Variants in SMARCAD1 observed in about 807,000 individuals in gnomAD.
SMARCAD1 encodes SNF2 related chromatin remodeling ATPase with DExD box 1, also known as SWI/SNF-related matrix-associated actin-dependent regulator of chromatin subfamily A containing DEAD/H box 1.
In SMARCAD1, 25 loss-of-function variants were observed where a neutral mutation model predicts 127.1. That is an observed-to-expected ratio of 0.20 (90% confidence interval 0.14 to 0.27). SMARCAD1 has a LOEUF of 0.27. Among genes scored for constraint, SMARCAD1 ranks in the 10% least tolerant of loss-of-function variants. SMARCAD1 has a pLI of 1.00. For missense variants in SMARCAD1, 807 were observed against 1,206.0 expected (o/e 0.67, Z 4.90); for synonymous variants, 400 against 396.9 (o/e 1.01, Z -0.09).
At chr4:94,231,565 A>C (rs1745853580) in intron 3 of SMARCAD1, among the ~76,000 whole-genome samples, 1 of 152,154 alleles carries the variant, frequency 6.6e-6, no homozygotes, top group African/African-American at 2.4e-5. Context: ...TTATTTGTTT[A>C]TTGTGTCACC....
chr4:94,276,204 G>A (rs1282639342), intron 14 of SMARCAD1, 135 bp from the exon 15 acceptor site: 13 of 812,532 alleles, frequency 1.6e-5, no homozygotes, highest in South Asian at 4.6e-5. Context: ...AGTATCACCC[G>A]TGTCTAGTGC....
chr4:94,280,475 C>G lies in SMARCAD1; in HGVS notation c.2419-117C>G. 4 of 911,240 alleles carry G rather than the reference C, an allele frequency of 4.4e-6. No homozygotes were observed. The South Asian group carries it at 6.4e-5, about 15-fold the overall frequency. 56.4% of individuals were successfully genotyped at this position (911,240 alleles called of 1,614,324 possible). ...AATTTTCCTTGATAAGTCTGTTACA[C>G]TAAAAGGTTCTATGATTTAGATATT... is the stretch of plus-strand genomic sequence containing the variant. On this transcript the variant is annotated intron_variant, in intron 19 of 23. Transcript: ENST00000354268.
Position 94,253,440 on chromosome 4 carries a change from A to G in SMARCAD1, c.1281+433A>G, listed in dbSNP as rs1033912767. The G allele has an allele frequency of 5.0e-6, 6 of 1,190,652 alleles. No homozygotes were observed. In the African/African-American group the frequency reaches 6.4e-5, roughly 13 times the overall value. The allele number at this position is 1,190,652 out of a possible 1,614,324, so 73.8% of individuals were successfully genotyped here. On this transcript the variant is annotated intron_variant, in intron 9 of 23. Transcript: ENST00000354268. ...CAATAGCAACGGCCAGGGGAGCTCC[A>G]TGATTCAAAATGCCAGCCTAAGTGT... is the stretch of plus-strand genomic sequence containing the variant.
chr4:94,279,184 G>A, intron 19 of SMARCAD1, 134 bp downstream of exon 19: 1 of 1,158,494 alleles, frequency 8.6e-7, no homozygotes, highest in East Asian at 2.6e-5. Context: ...TTTCAGACCA[G>A]GTCTGGTTCT....
chr4:94,259,324 T>G lies in SMARCAD1; in HGVS notation c.1282-5383T>G, dbSNP rs143789361. Among the ~76,000 whole-genome samples, 414 of 152,336 alleles carry G rather than the reference T, an allele frequency of 2.7e-3. 1 individual carries two copies. The highest frequency in any genetic ancestry group is 8.0e-3 in the African/African-American group (331 of 41,572). On this transcript the variant is annotated intron_variant, in intron 9 of 23. Transcript: ENST00000354268. Reference sequence around the variant, plus strand: ...AATAACTTTATTTAAACCTGTGATATTTGGGTTTACTGTCACAGCAGAATC... The same window carrying G: ...AATAACTTTATTTAAACCTGTGATAGTTGGGTTTACTGTCACAGCAGAATC...
chr4:94,269,579 AATG>A (rs1340362954), intron 10 of SMARCAD1, among the ~76,000 whole-genome samples: 1 of 152,096 alleles, frequency 6.6e-6, no homozygotes, highest in Non-Finnish European at 1.5e-5. Flanking sequence ...ATGTTTGAAA[AATG>A]ATATCTGTGC....
chr4:94,253,424 C>T (rs1183758989), intron 9 of SMARCAD1: 24 of 1,213,636 alleles, frequency 2.0e-5, no homozygotes, highest in East Asian at 5.8e-5. Flanking sequence ...GCAATAGCAA[C>T]GGCCAGGGGA....
At chr4:94,211,803 C>G (rs939474467) in intron 2 of SMARCAD1, among the ~76,000 whole-genome samples, 1 of 152,160 alleles carries the variant, frequency 6.6e-6, no homozygotes, top group Non-Finnish European at 1.5e-5. Flanking sequence ...GACTCAGATG[C>G]TTTGTTTCAT....
rs144402177 is a variant in SMARCAD1 at position 94,264,865 on chromosome 4, A to G, written c.1440A>G (p.Gly480=). ...AAGTTACCATGCTTACTGGAAATGGAGGTGGATGGAACATAGAACAACCTT... is the reference window on the plus strand; with the variant it reads ...AAGTTACCATGCTTACTGGAAATGGGGGTGGATGGAACATAGAACAACCTT... ...TKQVTMLTGN[G]GGWNIEQPSI... Residue 480 remains glycine (G), a synonymous_variant, in exon 10 of 24, where the codon GGA becomes GGG. Transcript: ENST00000354268. The G allele has an allele frequency of 2.0e-4, 317 of 1,613,040 alleles. 1 individual carries two copies. Among genetic ancestry groups the G allele is most frequent in the Non-Finnish European group, 2.6e-4 (304 of 1,179,260 alleles).
intron 4 of SMARCAD1, among the ~76,000 whole-genome samples, chr4:94,235,791 C>G (rs1044991672): frequency 1.3e-5 from 2 of 151,992 alleles, no homozygotes; most frequent in Non-Finnish European, 2.9e-5. Context: ...AAAATACTTT[C>G]ACTTGATTGC....
chr4:94,289,919 C>T lies in SMARCAD1; in HGVS notation c.*385C>T. Reference sequence around the variant, plus strand: ...ACTGGATAATGTGTGTAGATTTTTACATGTGCCTTATTTGACAATGCTTAT... The same window carrying T: ...ACTGGATAATGTGTGTAGATTTTTATATGTGCCTTATTTGACAATGCTTAT... On this transcript the variant is annotated 3_prime_UTR_variant, in exon 24 of 24. Coordinates refer to ENST00000354268, the MANE Select transcript of SMARCAD1 (RefSeq NM_020159.5). 2.2e-6 allele frequency: 1 copy of T among 453,060 alleles called. No individual in the cohort carries two copies. The highest frequency in any genetic ancestry group is 4.4e-6 in the Non-Finnish European group (1 of 227,424). 28.1% of individuals were successfully genotyped at this position (453,060 alleles called of 1,614,324 possible). A position where few individuals can be genotyped will look rare whatever the true frequency, so the allele number is the denominator to read the frequency against.
intron 14 of SMARCAD1, among the ~76,000 whole-genome samples, chr4:94,275,796 C>CTTTTTTTTTTTTTTTTT (rs535710589): frequency 2.0e-4 from 17 of 85,406 alleles, no homozygotes; most frequent in African/African-American, 6.4e-4. Context: ...TTAACATTTT[C>CTTTTTTTTTTTTTTTTT]TTTTTTTTTT....
chr4:94,288,154 C>T (rs1344320264), intron 23 of SMARCAD1, among the ~76,000 whole-genome samples: 1 of 152,076 alleles, frequency 6.6e-6, no homozygotes, highest in Non-Finnish European at 1.5e-5. Context: ...AATATCACAG[C>T]ATATTCCTCA....
intron 11 of SMARCAD1, among the ~76,000 whole-genome samples, chr4:94,271,192 C>T (rs1225419350): frequency 6.6e-6 from 1 of 152,192 alleles, no homozygotes; most frequent in African/African-American, 2.4e-5. Context: ...TACGTACATA[C>T]ATATATGTGC....
chr4:94,229,583 G>A (rs1471319271), intron 3 of SMARCAD1, among the ~76,000 whole-genome samples: 3 of 151,980 alleles, frequency 2.0e-5, no homozygotes, highest in Admixed American at 6.6e-5. Flanking sequence ...CCTACCTCAA[G>A]CCTGAAATAA....
In SMARCAD1 at chr4:94,276,302, G is replaced by A. The variant is rs768352428; in HGVS notation, c.1809-37G>A. 9.3e-6 allele frequency: 15 copies of A among 1,612,200 alleles called. No homozygotes were observed. In the African/African-American group the frequency reaches 1.5e-4, roughly 16 times the overall value. On this transcript the variant is annotated intron_variant, in intron 14 of 23. Transcript: ENST00000354268. ...TTTCACTAGACTCCAAGCTCTTAAA[G>A]GTATAACCTTAGAGATGTTTTTTCT... is the stretch of plus-strand genomic sequence containing the variant.
intron 3 of SMARCAD1, among the ~76,000 whole-genome samples, chr4:94,226,965 A>C (rs1194341493): frequency 3.3e-5 from 5 of 151,836 alleles, no homozygotes; most frequent in Non-Finnish European, 7.4e-5. Context: ...CAGCCTCCCA[A>C]AGTGCTGGGA....
In SMARCAD1 at chr4:94,252,698, T is replaced by C. The variant is rs758848140; in HGVS notation, c.972T>C (p.Thr324=). The change falls in exon 9 of 24, where the codon ACT becomes ACC. Residue 324 remains threonine (T), a synonymous_variant. Coordinates refer to ENST00000354268, the MANE Select transcript of SMARCAD1 (RefSeq NM_020159.5). ...SRSQNYPKNA[T]KTKLKQKFSM... The stretch of plus-strand genomic sequence containing the variant: ...GTCAAAATTACCCTAAAAATGCAAC[T>C]AAAACAAAACTAAAACAGAAATTTT... 2 of 1,590,046 alleles carry C rather than the reference T, an allele frequency of 1.3e-6. No homozygotes were observed. Among genetic ancestry groups the C allele is most frequent in the South Asian group, 2.3e-5 (2 of 85,800 alleles).
intron 2 of SMARCAD1, among the ~76,000 whole-genome samples, chr4:94,209,389 C>T (rs1176452795): frequency 2.0e-5 from 3 of 152,124 alleles, no homozygotes; most frequent in Non-Finnish European, 4.4e-5. Flanking sequence ...AACTCAAGTC[C>T]TGGCAGTATG....
Sources: allele counts gnomAD v4.1 joint callset (sites outside exome capture counted in the v4.1 genomes callset), GRCh38; gene constraint gnomAD v4.1.1; transcripts MANE v1.5; gene names NCBI Gene and HGNC (gene_info 2026-07-23, HGNC 2026-07-21).